CWC22: variants seen among roughly 807,000 people sequenced by gnomAD.
CWC22 encodes CWC22 spliceosome associated protein.
A neutral mutation model predicts 117.2 loss-of-function variants in CWC22; 53 were observed. That is an observed-to-expected ratio of 0.45 (90% CI 0.36 to 0.57). CWC22 has a LOEUF of 0.57. Among genes scored for constraint, CWC22 ranks in the 20% least tolerant of loss-of-function variants. The pLI, the probability that CWC22 is intolerant of heterozygous loss-of-function variation, is 0.00. For missense variants in CWC22, 980 were observed against 1,068.8 expected, an observed-to-expected ratio of 0.92 and a Z score of 1.16; for synonymous variants, 360 against 355.6, an observed-to-expected ratio of 1.01 and a Z score of -0.14.
chr2:179,987,897 T>G (rs1318579362), intron 3 of CWC22, among the ~76,000 whole-genome samples: 4 of 152,222 alleles, frequency 2.6e-5, no homozygotes, highest in Non-Finnish European at 5.9e-5. Flanking sequence ...CAAACCTTTT[T>G]GGCAACAGGG....
At position 179,993,394 on chromosome 2, in the gene CWC22, T is replaced by C; in HGVS notation, c.-53A>G. 2 of 1,317,114 alleles carry C rather than the reference T, an allele frequency of 1.5e-6. No individual in the cohort carries two copies. The highest frequency in any genetic ancestry group is 2.1e-6 in the Non-Finnish European group (2 of 932,160). The allele number at this position is 1,317,114 out of a possible 1,614,324, so 81.6% of individuals were successfully genotyped here. A position where few individuals can be genotyped will look rare whatever the true frequency, so the allele number is the denominator to read the frequency against. On this transcript the variant is annotated 5_prime_UTR_variant, in exon 2 of 20. Transcript: ENST00000410053. Reference sequence around the variant, plus strand: ...CAAAGATGCTTCAAACTGGTCCAAATAACAAGTACCCAATGCTCTGAATTC... The same window carrying C: ...CAAAGATGCTTCAAACTGGTCCAAACAACAAGTACCCAATGCTCTGAATTC...
intron 7 of CWC22, 37 bp from the exon 8 acceptor site, chr2:179,973,283 A>C: frequency 6.7e-7 from 1 of 1,488,468 alleles, no homozygotes; most frequent in South Asian, 1.2e-5. Context: ...CTATAAACTA[A>C]ACCCAATTTT....
At chr2:179,958,914 T>C (rs1244117324) in intron 14 of CWC22, 108 bp downstream of exon 14, 2 of 584,704 alleles carry the variant, frequency 3.4e-6, no homozygotes, top group Admixed American at 6.0e-5. Flanking sequence ...AAAAAATAAA[T>C]ATTTAGTACT....
At chr2:179,951,573 T>C (rs902040139) in intron 17 of CWC22, among the ~76,000 whole-genome samples, 1 of 151,932 alleles carries the variant, frequency 6.6e-6, no homozygotes, top group Non-Finnish European at 1.5e-5. Context: ...CCCAGATAGA[T>C]CAATAAGACA....
intron 2 of CWC22, among the ~76,000 whole-genome samples, chr2:179,990,523 T>C (rs912863335): frequency 2.6e-4 from 32 of 124,142 alleles, no homozygotes; most frequent in African/African-American, 9.9e-4. Context: ...TTCCCCAGAA[T>C]GAGAGTGAGT....
At chr2:180,004,648 G>GT (rs1217634956) in intron 1 of CWC22, among the ~76,000 whole-genome samples, 1 of 152,084 alleles carries the variant, frequency 6.6e-6, no homozygotes, top group African/African-American at 2.4e-5. Context: ...GCCTCCCAAA[G>GT]TGCTGGGAAT....
At chr2:179,948,938 T>C (rs537756682) in intron 19 of CWC22, among the ~76,000 whole-genome samples, 2 of 152,370 alleles carry the variant, frequency 1.3e-5, no homozygotes, top group Admixed American at 6.5e-5. Flanking sequence ...ACCAGTGTTA[T>C]GTAAGATGCT....
intron 3 of CWC22, 44 bp downstream of exon 3, chr2:179,988,533 C>A: frequency 1.0e-6 from 1 of 997,312 alleles, no homozygotes. Context: ...ATAAACCTTA[C>A]TATAAAAATT....
chr2:179,970,682 A>G lies in CWC22; in HGVS notation c.1115T>C (p.Leu372Pro). The change falls in exon 10 of 20, where the codon CTG becomes CCG. Residue 372 changes from leucine to proline, a missense_variant. Leu to Pro is a moderately conservative substitution (Grantham distance 98, BLOSUM62 -3). This residue lies in a region of CWC22 where 559 missense variants were observed against 602.3 expected (regional missense o/e 0.93). Coordinates refer to ENST00000410053, the MANE Select transcript of CWC22 (RefSeq NM_020943.3). ...EDDQFTHMLP[L>P]EDDYNPEDVL... ...ATCTTCTGGATTATAGTCATCCTCC[A>G]GAGGGAGCATATGAGTGAATTGATC... 6.2e-7 allele frequency: 1 copy of G among 1,613,630 alleles called. No homozygotes were observed. Among genetic ancestry groups the G allele is most frequent in the East Asian group, 2.2e-5 (1 of 44,846 alleles).
intron 1 of CWC22, among the ~76,000 whole-genome samples, chr2:179,996,382 C>A (rs188316634): frequency 8.7e-4 from 132 of 151,978 alleles, no homozygotes; most frequent in Non-Finnish European, 1.3e-3. Context: ...AACAGAAATT[C>A]TAAAACTGAA....
chr2:179,950,217 T>C (rs1345869239), intron 19 of CWC22, among the ~76,000 whole-genome samples: 1 of 152,214 alleles, frequency 6.6e-6, no homozygotes, highest in East Asian at 1.9e-4. Flanking sequence ...ATAGCTCCTA[T>C]AAACTAGATT....
chr2:179,995,854 T>C (rs1269553527), intron 1 of CWC22, among the ~76,000 whole-genome samples: 1 of 152,190 alleles, frequency 6.6e-6, no homozygotes, highest in South Asian at 2.1e-4. Context: ...GCTGCAGCCA[T>C]TCTCATTTGA....
intron 2 of CWC22, among the ~76,000 whole-genome samples, chr2:179,991,149 A>G (rs1687557491): frequency 6.6e-6 from 1 of 152,210 alleles, no homozygotes; most frequent in South Asian, 2.1e-4. Flanking sequence ...ATAGTCTCCA[A>G]CAATGTAGGG....
chr2:179,988,581 C>T lies in CWC22; in HGVS notation c.91G>A (p.Asp31Asn), dbSNP rs1428999047. ...NSYQRNSSPE[D>N]RYEEQERSPR... ...AGAGCATATTAAACTATTTACCTGT[C>T]TTCTGGAGAGGAGTTCCTCTGATAT... Residue 31 changes from aspartate (D) to asparagine (N), a missense_variant, in exon 3 of 20, where the codon GAC becomes AAC. Asp to Asn is a conservative substitution (Grantham distance 23, BLOSUM62 1). Coordinates refer to ENST00000410053, the MANE Select transcript of CWC22 (RefSeq NM_020943.3). 1.3e-6 allele frequency: 2 copies of T among 1,487,538 alleles called. No individual in the cohort carries two copies. Among genetic ancestry groups the T allele is most frequent in the Non-Finnish European group, 1.8e-6 (2 of 1,091,912 alleles). The allele number at this position is 1,487,538 out of a possible 1,614,324, so 92.1% of individuals were successfully genotyped here.
intron 16 of CWC22, 118 bp downstream of exon 16, chr2:179,954,087 C>G: frequency 6.2e-6 from 4 of 642,490 alleles, no homozygotes; most frequent in Non-Finnish European, 1.0e-5. Context: ...GACAGCAGTT[C>G]TACACATTTC....
intron 17 of CWC22, among the ~76,000 whole-genome samples, chr2:179,951,387 G>A (rs987995234): frequency 2.6e-4 from 40 of 151,862 alleles, no homozygotes; most frequent in African/African-American, 9.4e-4. Flanking sequence ...GAGAAATCAA[G>A]GATGAAGACC....
At chr2:179,970,619 C>T (rs753532710) in intron 10 of CWC22, 31 bp downstream of exon 10, 1 of 1,598,410 alleles carries the variant, frequency 6.3e-7, no homozygotes, top group South Asian at 1.1e-5. Flanking sequence ...TGTTGGTAAG[C>T]CTCTTTCCAA....
Position 179,973,230 on chromosome 2 carries a change from G to T in CWC22, c.767C>A (p.Ala256Asp). 6.2e-7 allele frequency: 1 copy of T among 1,600,836 alleles called. No individual in the cohort carries two copies. Among genetic ancestry groups the T allele is most frequent in the Non-Finnish European group, 8.5e-7 (1 of 1,172,852 alleles). Residue 256 changes from alanine (A) to aspartate (D), a missense_variant, in exon 8 of 20, where the codon GCT (alanine) becomes GAT (aspartate). By Grantham distance (126) the Ala-to-Asp change is moderately radical. Coordinates refer to ENST00000410053, the MANE Select transcript of CWC22 (RefSeq NM_020943.3). ...RRNDKQLCLTASKFVAHLINQ... is the reference protein window; with the variant it reads ...RRNDKQLCLTDSKFVAHLINQ... ...AATAAGATGCGCCACAAATTTTGAAGCAGTCAGGCAAAGTTGCTGAAAAAT... is the reference window on the plus strand; with the variant it reads ...AATAAGATGCGCCACAAATTTTGAATCAGTCAGGCAAAGTTGCTGAAAAAT...
chr2:179,979,206 C>G (rs1687226593), intron 5 of CWC22, among the ~76,000 whole-genome samples: 1 of 152,108 alleles, frequency 6.6e-6, no homozygotes, highest in Non-Finnish European at 1.5e-5. Flanking sequence ...GGATACTAAT[C>G]ATACTAAAAT....
Sources: gnomAD v4.1 joint callset for allele counts (sites outside exome capture counted in the v4.1 genomes callset) on GRCh38, gnomAD v4.1.1 for gene constraint, gnomAD v4.1.1 regional missense constraint, MANE v1.5 for transcripts, NCBI Gene and HGNC (gene_info 2026-07-23, HGNC 2026-07-21) for gene names.